TSC2: variants seen among roughly 807,000 people sequenced by gnomAD.
TSC2 encodes tuberin.
A neutral mutation model predicts 202.2 loss-of-function variants in TSC2; 29 were observed. The ratio of observed to expected loss-of-function variants is 0.14; its 90% CI spans 0.11 to 0.20. The LOEUF (loss-of-function observed/expected upper bound fraction) is 0.20. Ranked by LOEUF, TSC2 falls within the 10% of genes least tolerant of loss-of-function variation. The pLI, the probability that TSC2 is intolerant of heterozygous loss-of-function variation, is 1.00. For missense variants in TSC2, 2,429 were observed against 2,420.0 expected (o/e 1.00, Z -0.08); for synonymous variants, 1,349 against 1,044.0 (o/e 1.29, Z -5.63).
intron 8 of TSC2, 116 bp downstream of exon 8, chr16:2,056,885 T>C (rs535964877): frequency 4.4e-5 from 68 of 1,531,102 alleles, no homozygotes; most frequent in Non-Finnish European, 5.9e-5. Context: ...AATGGCCTGT[T>C]GAGGGACGGC....
At chr16:2,082,530 T>A in intron 32 of TSC2, 26 bp downstream of exon 32, 1 of 1,608,370 alleles carries the variant, frequency 6.2e-7, no homozygotes, top group Non-Finnish European at 8.5e-7. Flanking sequence ...GGGAAGCGGT[T>A]GGCTGCAGAG....
chr16:2,063,596 A>G, intron 14 of TSC2: 3 of 208,434 alleles, frequency 1.4e-5, no homozygotes, highest in African/African-American at 4.7e-5. Context: ...TTCCCACCGA[A>G]CTCCTCCCTG....
intron 16 of TSC2, among the ~76,000 whole-genome samples, chr16:2,069,699 C>T (rs956932879): frequency 6.6e-6 from 1 of 152,224 alleles, no homozygotes; most frequent in Non-Finnish European, 1.5e-5. Context: ...CCAGGATGGT[C>T]TTGATCTCCT....
At chr16:2,077,576 G>A (rs755021783) in intron 25 of TSC2, 22 bp from the exon 26 acceptor site, 52 of 1,612,320 alleles carry the variant, frequency 3.2e-5, no homozygotes, top group Non-Finnish European at 4.3e-5. Flanking sequence ...TGGGGCGTTG[G>A]GGCTCCTTCC....
In TSC2 at chr16:2,087,717, C is replaced by A. The variant is rs953823164; in HGVS notation, c.4990-146C>A. ...CTTGGCCTGGGGGAGGCCAGACAAA[C>A]ACAGCCCCGCTGCCAGAGGGGAAAG... On this transcript the variant is annotated intron_variant, in intron 38 of 41. Transcript: ENST00000219476. The A allele has an allele frequency of 4.8e-6, 5 of 1,036,874 alleles. No homozygotes were observed. The Admixed American group carries it at 8.0e-5, about 17-fold the overall frequency. The allele number at this position is 1,036,874 out of a possible 1,614,324, so 64.2% of individuals were successfully genotyped here. A position where few individuals can be genotyped will look rare whatever the true frequency, so the allele number is the denominator to read the frequency against.
At chr16:2,069,190 T>C (rs1184775278) in intron 16 of TSC2, among the ~76,000 whole-genome samples, 1 of 152,228 alleles carries the variant, frequency 6.6e-6, no homozygotes, top group Admixed American at 6.5e-5. Context: ...GTTGGTTCCA[T>C]GTGGCCTTCC....
In TSC2 at chr16:2,079,641, G is replaced by A. The variant is rs1555510958; in HGVS notation, c.3369G>A (p.Gly1123=). The change falls in exon 29 of 42, where the codon GGG becomes GGA. Residue 1123 remains glycine (G), a synonymous_variant. Transcript: ENST00000219476. The surrounding 1 kb of genome is among the most constrained non-coding windows in gnomAD (Gnocchi z 4.6). ...AGGCTGGGCAGCAGGTGTCCCGTGGGGCCCGGGATCGGGTCCGTTCCATGT... is the reference window on the plus strand; with the variant it reads ...AGGCTGGGCAGCAGGTGTCCCGTGGAGCCCGGGATCGGGTCCGTTCCATGT... ...ESQAGQQVSR[G]ARDRVRSMSG... is the part of the protein sequence containing the mutation. The A allele has an allele frequency of 6.2e-7, 1 of 1,606,322 alleles. No individual in the cohort carries two copies. Among genetic ancestry groups the A allele is most frequent in the Non-Finnish European group, 8.5e-7 (1 of 1,177,434 alleles).
Position 2,084,559 on chromosome 16 carries a change from C to T in TSC2, c.4337C>T (p.Pro1446Leu), listed in dbSNP as rs2090523005. Residue 1446 changes from proline to leucine, a missense_variant, in exon 34 of 42, where the codon CCT (proline) becomes CTT (leucine). Coordinates refer to ENST00000219476, the MANE Select transcript of TSC2 (RefSeq NM_000548.5). ...DSRGQPEGPLPSSSPRSPSGL... is the reference protein window; with the variant it reads ...DSRGQPEGPLLSSSPRSPSGL... The stretch of plus-strand genomic sequence containing the variant: ...CGGGGCCAGCCCGAGGGTCCCTTGC[C>T]TTCCAGCTCCCCCCGCTCGCCCAGT... 1.9e-6 allele frequency: 3 copies of T among 1,608,832 alleles called. No individual in the cohort carries two copies. The highest frequency in any genetic ancestry group is 2.2e-5 in the South Asian group (2 of 91,004).
rs77735328 is a variant in TSC2, at chr16:2,078,867, T to A, written c.2967-165T>A. ...CTCCCCGTTCTCTGGGACAATGTGG[T>A]CCACGTGATTCTCAAGCTGAGGCTC... On this transcript the variant is annotated intron_variant, in intron 26 of 41. Coordinates refer to ENST00000219476, the MANE Select transcript of TSC2 (RefSeq NM_000548.5). 9,924 of 826,260 alleles carry A rather than the reference T, an allele frequency of 0.012. 103 individuals carry two copies. Among genetic ancestry groups the A allele is most frequent in the Non-Finnish European group, 0.016 (8,053 of 505,600 alleles). The allele number at this position is 826,260 out of a possible 1,614,324, so 51.2% of individuals were successfully genotyped here. A position where few individuals can be genotyped will look rare whatever the true frequency, so the allele number is the denominator to read the frequency against.
At chr16:2,060,909 G>A in intron 11 of TSC2, 96 bp downstream of exon 11, 1 of 1,471,780 alleles carries the variant, frequency 6.8e-7, no homozygotes, top group South Asian at 1.2e-5. Flanking sequence ...ATCTCTGGGG[G>A]TCCCGCAGAG....
chr16:2,086,145 G>T (rs2151567403), intron 36 of TSC2, 48 bp from the exon 37 acceptor site: 6 of 1,608,276 alleles, frequency 3.7e-6, no homozygotes, highest in Non-Finnish European at 5.1e-6. Context: ...TGCGGGGCAG[G>T]GCCCGGCCCG....
At position 2,056,209 on chromosome 16, in the gene TSC2, C is replaced by T. The variant is rs1596275276; in HGVS notation, c.613C>T (p.Leu205=). 1 of 1,614,028 alleles carries T rather than the reference C, an allele frequency of 6.2e-7. No individual in the cohort carries two copies. Among genetic ancestry groups the T allele is most frequent in the Non-Finnish European group, 8.5e-7 (1 of 1,180,042 alleles). Residue 205 remains leucine (L), a synonymous_variant, in exon 7 of 42, where the codon CTG becomes TTG. Coordinates refer to ENST00000219476, the MANE Select transcript of TSC2 (RefSeq NM_000548.5). ...TGCTCCCTGCAGGATGATCTGTCTGCTGTGCGTCCGGACCGCGTCCTCTGT... is the reference window on the plus strand; with the variant it reads ...TGCTCCCTGCAGGATGATCTGTCTGTTGTGCGTCCGGACCGCGTCCTCTGT... The part of the protein sequence containing the change: ...IARMVQMICL[L]CVRTASSVDI...
intron 16 of TSC2, among the ~76,000 whole-genome samples, chr16:2,068,995 A>G (rs1424246068): frequency 1.3e-5 from 2 of 151,984 alleles, no homozygotes; most frequent in Non-Finnish European, 2.9e-5. Context: ...CTGAGGAGGA[A>G]GGAGAGGAGA....
chr16:2,079,608 G>C lies in TSC2; in HGVS notation c.3336G>C (p.Leu1112=). Residue 1112 remains leucine (L), a synonymous_variant, in exon 29 of 42, where the codon CTG becomes CTC. Coordinates refer to ENST00000219476, the MANE Select transcript of TSC2 (RefSeq NM_000548.5). This position sits in a 1 kb window ranked among gnomAD's most constrained non-coding sequence, Gnocchi z 4.6. The part of the protein sequence containing the change: ...VRQTKEAPAK[L]ESQAGQQVSR... ...AGACCAAGGAGGCGCCGGCCAAGCT[G>C]GAGTCCCAGGCTGGGCAGCAGGTGT... 1 of 1,611,284 alleles carries C rather than the reference G, an allele frequency of 6.2e-7. No homozygotes were observed.
At chr16:2,082,157 C>A (rs2090222070) in intron 31 of TSC2, 1 of 594,100 alleles carries the variant, frequency 1.7e-6, no homozygotes, top group South Asian at 2.0e-5. Context: ...TGGGCCCCCA[C>A]CCCACTCGGC....
chr16:2,083,686 T>A lies in TSC2; in HGVS notation c.3884-9T>A. On this transcript the variant is annotated splice_polypyrimidine_tract_variant and intron_variant, in intron 32 of 41. Coordinates refer to ENST00000219476, the MANE Select transcript of TSC2 (RefSeq NM_000548.5). ...CCCACATCCAGCAGCCCCGTCTGTG[T>A]CCTCCCAGACTCCGCCGTGGTCATG... 1 of 1,575,298 alleles carries A rather than the reference T, an allele frequency of 6.3e-7. No individual in the cohort carries two copies. Among genetic ancestry groups the A allele is most frequent in the Non-Finnish European group, 8.6e-7 (1 of 1,160,936 alleles).
rs375423568 is a variant in TSC2, at chr16:2,079,017, G to A, written c.2967-15G>A. On this transcript the variant is annotated splice_polypyrimidine_tract_variant and intron_variant, in intron 26 of 41. Coordinates refer to ENST00000219476, the MANE Select transcript of TSC2 (RefSeq NM_000548.5). The surrounding 1 kb of genome is among the most constrained non-coding windows in gnomAD (Gnocchi z 4.6). ...TACCTGGCACCCTGACCCTGGTCACGGCCTCTCCCTCCAGCAGGATACAGA... is the reference window on the plus strand; with the variant it reads ...TACCTGGCACCCTGACCCTGGTCACAGCCTCTCCCTCCAGCAGGATACAGA... 1.6e-5 allele frequency: 25 copies of A among 1,612,066 alleles called. No individual in the cohort carries two copies. The highest frequency in any genetic ancestry group is 3.3e-5 in the Admixed American group (2 of 59,998).
At position 2,058,839 on chromosome 16, in the gene TSC2, A is replaced by G. The variant is rs878854123; in HGVS notation, c.941A>G (p.Asn314Ser). 1.2e-6 allele frequency: 2 copies of G among 1,606,904 alleles called. No individual in the cohort carries two copies. The highest frequency in any genetic ancestry group is 1.7e-4 in the Middle Eastern group (1 of 6,046). Residue 314 changes from asparagine to serine, a missense_variant, in exon 10 of 42, where the codon AAC becomes AGC. Asn to Ser is a conservative substitution (Grantham distance 46). Coordinates refer to ENST00000219476, the MANE Select transcript of TSC2 (RefSeq NM_000548.5). ...GCCCACCGGCTCTATTCTCTCAGGA[A>G]CTCGCCGACATCTGTGTTGCCATCA... ...WGAHRLYSLR[N>S]SPTSVLPSFY...
At chr16:2,084,172 A>G in intron 33 of TSC2, 56 bp from the exon 34 acceptor site, 1 of 1,550,770 alleles carries the variant, frequency 6.4e-7, no homozygotes, top group Non-Finnish European at 8.7e-7. Context: ...GGTCAACCCC[A>G]GGTGGGCTCG....
Sources: gnomAD v4.1 joint callset for allele counts (sites outside exome capture counted in the v4.1 genomes callset) on GRCh38, gnomAD v4.1.1 for gene constraint, Gnocchi (gnomAD v3.1) non-coding constraint, MANE v1.5 for transcripts, NCBI Gene and HGNC (gene_info 2026-07-23, HGNC 2026-07-21) for gene names.